The following GNB5 variants were observed in gnomAD, a reference collection of about 807,000 sequenced individuals.
The protein encoded by GNB5 is G protein subunit beta 5.
Under a neutral mutation model 55.3 loss-of-function variants are expected in GNB5, and 37 were observed. The observed-to-expected ratio is 0.67, with a 90% confidence interval of 0.51 to 0.88. The LOEUF (loss-of-function observed/expected upper bound fraction) is 0.88, where lower values mean the gene tolerates loss of function less well. GNB5 is among the 40% of genes least tolerant of loss of function. The pLI is 0.00. For synonymous variants in GNB5, 219 were observed against 198.5 expected, an observed-to-expected ratio of 1.10 and a Z score of -0.87; for missense variants, 476 against 515.3, an observed-to-expected ratio of 0.92 and a Z score of 0.74.
intron 2 of GNB5, among the ~76,000 whole-genome samples, chr15:52,183,344 T>C (rs1288783158): frequency 8.2e-6 from 1 of 121,874 alleles, no homozygotes; most frequent in African/African-American, 2.9e-5. Context: ...GGGGGGGGGG[T>C]AAGGCCCCCA....
chr15:52,153,031 TC>T, intron 4 of GNB5, among the ~76,000 whole-genome samples: 1 of 152,158 alleles, frequency 6.6e-6, no homozygotes, highest in Non-Finnish European at 1.5e-5. Context: ...TCCAAGTGAG[TC>T]CCAAATCATT....
intron 3 of GNB5, among the ~76,000 whole-genome samples, chr15:52,165,837 A>G (rs2034440386): frequency 6.6e-6 from 1 of 152,232 alleles, no homozygotes; most frequent in South Asian, 2.1e-4. Context: ...AAATTCACAC[A>G]TAACAATATT....
intron 11 of GNB5, chr15:52,124,948 A>G: frequency 5.0e-6 from 1 of 199,944 alleles, no homozygotes; most frequent in Middle Eastern, 1.9e-3. Flanking sequence ...ACACAAGTAA[A>G]TTATTTTTAG....
rs371256317 is a variant in GNB5, at chr15:52,149,854, T to C, written c.417+30A>G. 5.1e-6 allele frequency: 8 copies of C among 1,558,934 alleles called. No individual in the cohort carries two copies. In the African/African-American group the frequency reaches 1.1e-4, roughly 21 times the overall value. On this transcript the variant is annotated intron_variant, in intron 5 of 12. Coordinates refer to ENST00000261837, the MANE Select transcript of GNB5 (RefSeq NM_016194.4). Reference sequence around the variant, plus strand: ...TTAAGTAGGCTGGGATTCTGAAGCCTCTATAACGTGGCTGGGAACAATGCC... The same window carrying C: ...TTAAGTAGGCTGGGATTCTGAAGCCCCTATAACGTGGCTGGGAACAATGCC...
intron 3 of GNB5, among the ~76,000 whole-genome samples, chr15:52,167,585 C>T (rs146989998): frequency 5.5e-4 from 84 of 151,918 alleles, no homozygotes; most frequent in African/African-American, 1.9e-3. Context: ...GCAGGAGAAT[C>T]GCCTGAACGC....
rs770868918 is a variant in GNB5, at chr15:52,124,466, C to T, written c.1176+7G>A. On this transcript the variant is annotated splice_region_variant and intron_variant, in intron 12 of 12. Coordinates refer to ENST00000261837, the MANE Select transcript of GNB5 (RefSeq NM_016194.4). Reference sequence around the variant, plus strand: ...CACACAGGAAAACAGAAAACCATCCCTCTTACTCTGAGGGTATGATCCCAT... The same window carrying T: ...CACACAGGAAAACAGAAAACCATCCTTCTTACTCTGAGGGTATGATCCCAT... The T allele has an allele frequency of 1.9e-5, 30 of 1,610,610 alleles. No homozygotes were observed. Among genetic ancestry groups the T allele is most frequent in the Non-Finnish European group, 2.5e-5 (30 of 1,177,410 alleles).
intron 3 of GNB5, among the ~76,000 whole-genome samples, chr15:52,168,657 G>C (rs982528256): frequency 6.6e-6 from 1 of 152,108 alleles, no homozygotes; most frequent in African/African-American, 2.4e-5. Flanking sequence ...AGCCCATATA[G>C]CCAAGATAAT....
In GNB5 at chr15:52,140,131, T is replaced by C. The variant is rs80192334; in HGVS notation, c.627+1009A>G. ...GTCCCAACATCCCTCCAGTCAGCAA[T>C]TGAACAATTACCCAGCCACCTGACC... On this transcript the variant is annotated intron_variant, in intron 7 of 12. Coordinates refer to ENST00000261837, the MANE Select transcript of GNB5 (RefSeq NM_016194.4). The C allele has an allele frequency of 3.8e-3, 1,116 of 292,404 alleles. 26 individuals are homozygous for C. Among genetic ancestry groups the C allele is most frequent in the Admixed American group, 0.026 (506 of 19,290 alleles). 18.1% of individuals were successfully genotyped at this position (292,404 alleles called of 1,614,324 possible). A position where few individuals can be genotyped will look rare whatever the true frequency, so the allele number is the denominator to read the frequency against.
intron 8 of GNB5, among the ~76,000 whole-genome samples, chr15:52,135,023 C>G (rs1225693561): frequency 6.6e-6 from 1 of 152,064 alleles, no homozygotes; most frequent in African/African-American, 2.4e-5. Flanking sequence ...CCCAGGCACC[C>G]TGACTCCTAG....
In GNB5 at chr15:52,116,600, G is replaced by C. The variant is rs929817219; in HGVS notation, c.*6157C>G. 2.6e-5 allele frequency: 4 copies of C among 152,092 alleles called. No homozygotes were observed. In the East Asian group the frequency reaches 7.7e-4, roughly 29 times the overall value. 9.4% of individuals were successfully genotyped at this position (152,092 alleles called of 1,614,324 possible). On this transcript the variant is annotated 3_prime_UTR_variant, in exon 13 of 13. Transcript: ENST00000261837. Reference sequence around the variant, plus strand: ...TGTGTTGGGAATGTGAAAGTTGTTAGAATTCAAATAGAGTCACTAGTGTTT... The same window carrying C: ...TGTGTTGGGAATGTGAAAGTTGTTACAATTCAAATAGAGTCACTAGTGTTT...
Position 52,147,517 on chromosome 15 carries a change from G to T in GNB5, c.436C>A (p.Pro146Thr). ...GCACATGCCATCACCCACGTGCAGG[G>T]CATGGTGACCGCGTGCTCCTGAAAC... The part of the protein sequence containing the change: ...TTNKEHAVTM[P>T]CTWVMACAYA... Residue 146 changes from proline to threonine, a missense_variant, in exon 6 of 13, where the codon CCC becomes ACC. By Grantham distance (38) the Pro-to-Thr change is conservative (BLOSUM62 -1). Transcript: ENST00000261837. The T allele has an allele frequency of 1.3e-6, 2 of 1,597,942 alleles. No individual in the cohort carries two copies. The highest frequency in any genetic ancestry group is 8.6e-7 in the Non-Finnish European group (1 of 1,167,782).
chr15:52,166,597 T>C (rs2034456063), intron 3 of GNB5, among the ~76,000 whole-genome samples: 1 of 152,100 alleles, frequency 6.6e-6, no homozygotes, highest in South Asian at 2.1e-4. Context: ...AGGTAAATAA[T>C]GAAATTATGG....
intron 8 of GNB5, among the ~76,000 whole-genome samples, chr15:52,134,507 G>C (rs1346267246): frequency 6.6e-6 from 1 of 152,190 alleles, no homozygotes; most frequent in Non-Finnish European, 1.5e-5. Flanking sequence ...TTAGTGCTCT[G>C]AAAGAGACAA....
At chr15:52,128,938 C>T (rs1217395732) in intron 9 of GNB5, 1 of 311,620 alleles carries the variant, frequency 3.2e-6, no homozygotes, top group African/African-American at 2.2e-5. Flanking sequence ...GTTCCCCACA[C>T]CTTCCATTGT....
At chr15:52,131,923 C>G (rs1298675232) in intron 9 of GNB5, among the ~76,000 whole-genome samples, 1 of 152,202 alleles carries the variant, frequency 6.6e-6, no homozygotes, top group Non-Finnish European at 1.5e-5. Context: ...TACTTGACAT[C>G]TTGAATGTTT....
chr15:52,163,961 T>C (rs888541190), intron 3 of GNB5, among the ~76,000 whole-genome samples: 2 of 151,750 alleles, frequency 1.3e-5, no homozygotes, highest in African/African-American at 4.8e-5. Flanking sequence ...GGGTCTGGAG[T>C]GGACCCCCAG....
chr15:52,137,111 C>A, intron 7 of GNB5: 1 of 589,712 alleles, frequency 1.7e-6, no homozygotes, highest in Non-Finnish European at 2.6e-6. Flanking sequence ...TCTAAGTACC[C>A]TTCCCTAATT....
chr15:52,183,863 G>C (rs1338418686), intron 2 of GNB5, among the ~76,000 whole-genome samples: 2 of 152,228 alleles, frequency 1.3e-5, no homozygotes, highest in African/African-American at 4.8e-5. Context: ...AAGATCTGAA[G>C]CCTGTGCACA....
chr15:52,163,690 GT>G lies in GNB5; in HGVS notation c.239-9615del, dbSNP rs149236342. On this transcript the variant is annotated intron_variant, in intron 3 of 12. Coordinates refer to ENST00000261837, the MANE Select transcript of GNB5 (RefSeq NM_016194.4). The stretch of plus-strand genomic sequence containing the variant: ...AGTCTGGGTGGTCTGGATGAGGGAG[GT>G]TTCCCCCAGCACAGCGTATCTGCTC... Among the ~76,000 whole-genome samples, 412 of 152,298 alleles carry G rather than the reference GT, an allele frequency of 2.7e-3. 4 individuals are homozygous for G. The highest frequency in any genetic ancestry group is 7.0e-3 in the African/African-American group (291 of 41,572).
Sources: gnomAD v4.1 joint callset for allele counts (sites outside exome capture counted in the v4.1 genomes callset) on GRCh38, gnomAD v4.1.1 for gene constraint, MANE v1.5 for transcripts, NCBI Gene and HGNC (gene_info 2026-07-23, HGNC 2026-07-21) for gene names.